BRD4: variants seen among roughly 807,000 people sequenced by gnomAD.
BRD4 encodes the protein bromodomain containing 4.
A neutral mutation model predicts 142.1 loss-of-function variants in BRD4; 16 were observed. The ratio of observed to expected loss-of-function variants is 0.11; its 90% CI spans 0.08 to 0.17. The LOEUF is 0.17. Among genes scored for constraint, BRD4 ranks in the 10% least tolerant of loss-of-function variants. The pLI, the probability that BRD4 is intolerant of heterozygous loss-of-function variation, is 1.00. For synonymous variants in BRD4, 833 were observed against 707.5 expected (o/e 1.18, Z -2.82); for missense variants, 1,424 against 1,810.9 (o/e 0.79, Z 3.88).
At position 15,235,594 on chromosome 19, in the gene BRD4, A is replaced by C. The variant is rs867573122; in HGVS notation, c.*2783T>G. On this transcript the variant is annotated 3_prime_UTR_variant, in exon 20 of 20. Coordinates refer to ENST00000679869, the MANE Select transcript of BRD4 (RefSeq NM_001379291.1). ...AAAAAAAAAAAAACCTTTCGTATGT[A>C]AGTGAAAAGTCTACGAATTCCCTTC... The C allele has an allele frequency of 6.6e-6, 1 of 152,136 alleles. No homozygotes were observed. Among genetic ancestry groups the C allele is most frequent in the Middle Eastern group, 3.4e-3 (1 of 292 alleles). The allele number at this position is 152,136 out of a possible 1,614,324, so 9.4% of individuals were successfully genotyped here.
At chr19:15,310,198 C>A (rs2047954743) in intron 1 of BRD4, among the ~76,000 whole-genome samples, 1 of 142,026 alleles carries the variant, frequency 7.0e-6, no homozygotes, top group Non-Finnish European at 1.5e-5. Flanking sequence ...AGATCCAATC[C>A]ATTTTTAAAC....
At chr19:15,281,862 C>T (rs1191188203) in intron 1 of BRD4, among the ~76,000 whole-genome samples, 1 of 152,062 alleles carries the variant, frequency 6.6e-6, no homozygotes, top group Non-Finnish European at 1.5e-5. Context: ...TACTAATATA[C>T]AAAAAATTAG....
intron 2 of BRD4, among the ~76,000 whole-genome samples, 180 bp downstream of exon 2, chr19:15,272,635 A>C (rs2047600768): frequency 6.6e-6 from 1 of 152,176 alleles, no homozygotes; most frequent in South Asian, 2.1e-4. Context: ...CAATTAGCTC[A>C]TTCTTTCTCC....
intron 1 of BRD4, chr19:15,331,936 G>GGCCCGCCCCCC (rs1282480213): frequency 7.0e-6 from 1 of 142,060 alleles, no homozygotes; most frequent in Admixed American, 6.9e-5. Context: ...CGGGCGCCTC[G>GGCCCGCCCCCC]GCCCGCCCCC....
intron 1 of BRD4, among the ~76,000 whole-genome samples, chr19:15,331,237 G>C (rs1420094305): frequency 6.6e-6 from 1 of 152,182 alleles, no homozygotes; most frequent in Non-Finnish European, 1.5e-5. Flanking sequence ...GCACCGGCCT[G>C]AACTAAAGTA....
At position 15,257,052 on chromosome 19, in the gene BRD4, C is replaced by T. The variant is rs911892389; in HGVS notation, c.1463G>A (p.Ser488Asn). The T allele has an allele frequency of 2.5e-6, 4 of 1,602,140 alleles. No homozygotes were observed. The African/African-American group carries it at 4.0e-5, about 16-fold the overall frequency. ...ACTGTCCGAGGAGCTATCGCTGCTG[C>T]TGTCGCTGGATGAGGGCGGGGCCAC... ...KVVAPPSSSD[S>N]SSDSSSDSDS... Residue 488 changes from serine (S) to asparagine (N), a missense_variant, in exon 8 of 20, where the codon AGC becomes AAC. This residue lies in a region of BRD4 where 90 missense variants were observed against 93.2 expected (regional missense o/e 0.97). Coordinates refer to ENST00000679869, the MANE Select transcript of BRD4 (RefSeq NM_001379291.1).
intron 1 of BRD4, among the ~76,000 whole-genome samples, chr19:15,297,709 T>C (rs933169351): frequency 2.6e-5 from 4 of 152,120 alleles, no homozygotes; most frequent in African/African-American, 7.2e-5. Context: ...TGCTGGCAAA[T>C]GGAATACAGC....
At chr19:15,308,111 G>A (rs1470754520) in intron 1 of BRD4, among the ~76,000 whole-genome samples, 2 of 58,984 alleles carry the variant, frequency 3.4e-5, no homozygotes, top group African/African-American at 9.1e-5. Flanking sequence ...GTGAGACTCC[G>A]TCTCAAAAAA....
chr19:15,260,143 C>T (rs1483950434), intron 7 of BRD4, among the ~76,000 whole-genome samples: 1 of 152,244 alleles, frequency 6.6e-6, no homozygotes, highest in East Asian at 1.9e-4. Context: ...TCAGTTTCAG[C>T]ACACCTCACT....
chr19:15,298,273 G>A (rs1433775016), intron 1 of BRD4, among the ~76,000 whole-genome samples: 1 of 152,238 alleles, frequency 6.6e-6, no homozygotes, highest in African/African-American at 2.4e-5. Context: ...AGCTAAGTAT[G>A]TACAGGACTG....
In BRD4 at chr19:15,277,373, C is replaced by T. The variant is rs1338208647; in HGVS notation, c.-34-4240G>A. 2.0e-5 allele frequency among the ~76,000 whole-genome samples: 3 copies of T among 152,168 alleles called. No individual in the cohort carries two copies. In the East Asian group the frequency reaches 5.8e-4, roughly 29 times the overall value. Reference sequence around the variant, plus strand: ...GGTGCCTTGGGGATGTCATGGTAAACTCAGATGGCATTGCAGGAACTATCA... The same window carrying T: ...GGTGCCTTGGGGATGTCATGGTAAATTCAGATGGCATTGCAGGAACTATCA... On this transcript the variant is annotated intron_variant, in intron 1 of 19. Transcript: ENST00000679869.
intron 2 of BRD4, among the ~76,000 whole-genome samples, chr19:15,271,335 C>T (rs2047584859): frequency 1.3e-5 from 2 of 152,220 alleles, no homozygotes; most frequent in South Asian, 4.1e-4. Context: ...CTCATTCACA[C>T]CGTCGCAATC....
At chr19:15,317,460 A>G (rs2048026658) in intron 1 of BRD4, among the ~76,000 whole-genome samples, 1 of 152,226 alleles carries the variant, frequency 6.6e-6, no homozygotes, top group African/African-American at 2.4e-5. Flanking sequence ...GAAAAAAATT[A>G]AGGAAGATGT....
chr19:15,306,046 G>A (rs930953503), intron 1 of BRD4, among the ~76,000 whole-genome samples: 3 of 152,094 alleles, frequency 2.0e-5, no homozygotes, highest in African/African-American at 7.2e-5. Context: ...GAGTTACTAC[G>A]GCCTTGCTAG....
At position 15,267,412 on chromosome 19, in the gene BRD4, C is replaced by T. The variant is rs1440293380; in HGVS notation, c.559+4G>A. Reference sequence around the variant, plus strand: ...CCAATTTACTTGCTATTTCAGTACTCTACCTGTTTCTTTCCTCCCACGTCC... The same window carrying T: ...CCAATTTACTTGCTATTTCAGTACTTTACCTGTTTCTTTCCTCCCACGTCC... On this transcript the variant is annotated splice_donor_region_variant and intron_variant, in intron 4 of 19. Coordinates refer to ENST00000679869, the MANE Select transcript of BRD4 (RefSeq NM_001379291.1). 1.9e-6 allele frequency: 3 copies of T among 1,613,766 alleles called. No individual in the cohort carries two copies. The highest frequency in any genetic ancestry group is 2.5e-6 in the Non-Finnish European group (3 of 1,179,862).
chr19:15,266,867 G>A (rs111674111), intron 4 of BRD4, among the ~76,000 whole-genome samples: 6 of 152,312 alleles, frequency 3.9e-5, no homozygotes, highest in South Asian at 2.1e-4. Context: ...ATTTCCTAGA[G>A]TGGGCAGCTC....
intron 1 of BRD4, among the ~76,000 whole-genome samples, chr19:15,275,297 A>G (rs1376897925): frequency 6.6e-6 from 1 of 152,232 alleles, no homozygotes; most frequent in Non-Finnish European, 1.5e-5. Context: ...CTCACAAGTG[A>G]TGCACAGTAA....
intron 13 of BRD4, 41 bp from the exon 14 acceptor site, chr19:15,243,528 T>C (rs2047258178): frequency 1.3e-6 from 2 of 1,504,660 alleles, no homozygotes; most frequent in East Asian, 4.8e-5. Context: ...CCTGAGCACC[T>C]GTGGCCCCAG....
chr19:15,266,832 G>GT (rs1320175973), intron 4 of BRD4, among the ~76,000 whole-genome samples: 1 of 152,190 alleles, frequency 6.6e-6, no homozygotes, highest in Non-Finnish European at 1.5e-5. Context: ...GCCAGTAGCT[G>GT]CTGGAGAGTT....
Sources: gnomAD v4.1 joint callset for allele counts (sites outside exome capture counted in the v4.1 genomes callset) on GRCh38, gnomAD v4.1.1 for gene constraint, gnomAD v4.1.1 regional missense constraint, MANE v1.5 for transcripts, NCBI Gene and HGNC (gene_info 2026-07-23, HGNC 2026-07-21) for gene names.